PCMTD1: variants seen among roughly 807,000 people sequenced by gnomAD.
PCMTD1 encodes protein-L-isoaspartate O-methyltransferase domain-containing protein 1.
PCMTD1 carries 12 observed loss-of-function variants against 37.6 expected under a neutral mutation model. The ratio of observed to expected loss-of-function variants is 0.32; its 90% CI spans 0.20 to 0.52. The LOEUF (loss-of-function observed/expected upper bound fraction) is 0.52, where lower values mean the gene tolerates loss of function less well. Ranked by LOEUF, PCMTD1 falls within the 20% of genes least tolerant of loss-of-function variation. The pLI is 0.97. For synonymous variants in PCMTD1, 117 were observed against 135.8 expected (o/e 0.86, Z 0.96); for missense variants, 235 against 421.3 (o/e 0.56, Z 3.87).
chr8:51,868,397 C>T (rs757051579), intron 1 of PCMTD1, among the ~76,000 whole-genome samples: 6 of 152,014 alleles, frequency 3.9e-5, no homozygotes, highest in Non-Finnish European at 8.8e-5. Flanking sequence ...ACATTAAATA[C>T]CCTACAAAAT....
intron 3 of PCMTD1, among the ~76,000 whole-genome samples, chr8:51,840,002 T>C (rs1304621919): frequency 6.6e-6 from 1 of 152,226 alleles, no homozygotes; most frequent in Non-Finnish European, 1.5e-5. Flanking sequence ...ACTGATACCA[T>C]TCAAGGACTC....
chr8:51,860,657 T>C, intron 2 of PCMTD1, 188 bp downstream of exon 2: 1 of 536,486 alleles, frequency 1.9e-6, no homozygotes, highest in Non-Finnish European at 3.2e-6. Flanking sequence ...TACTGTAGGT[T>C]GAGGTAAGGA....
intron 3 of PCMTD1, among the ~76,000 whole-genome samples, chr8:51,837,302 A>G (rs1462651269): frequency 6.6e-6 from 1 of 152,198 alleles, no homozygotes; most frequent in African/African-American, 2.4e-5. Context: ...TAACATGTTT[A>G]AATTGATTTC....
intron 1 of PCMTD1, among the ~76,000 whole-genome samples, chr8:51,869,286 T>C (rs995460575): frequency 6.6e-6 from 1 of 152,168 alleles, no homozygotes; most frequent in South Asian, 2.1e-4. Flanking sequence ...CATTTGTTAC[T>C]TCTAAGATAA....
rs565366568 is a variant in PCMTD1, at chr8:51,819,955, G to C, written c.*396C>G. ...TTATTAGATAAATGAAGTTTTCATA[G>C]AGGAAATGCAAACAACTGCAATTCA... is the stretch of plus-strand genomic sequence containing the variant. On this transcript the variant is annotated 3_prime_UTR_variant, in exon 6 of 6. Transcript: ENST00000522514. The C allele has an allele frequency of 8.4e-4, 129 of 154,064 alleles. 3 individuals are homozygous for C. In the South Asian group the frequency reaches 0.026, roughly 31 times the overall value. The allele number at this position is 154,064 out of a possible 1,614,324, so 9.5% of individuals were successfully genotyped here.
intron 1 of PCMTD1, among the ~76,000 whole-genome samples, chr8:51,876,030 A>C (rs908388137): frequency 6.6e-6 from 1 of 152,158 alleles, no homozygotes; most frequent in African/African-American, 2.4e-5. Context: ...TTACTGATGT[A>C]ATATATATAA....
upstream of PCMTD1, chr8:51,899,088 C>G (rs540861204): frequency 6.1e-6 from 9 of 1,481,626 alleles, no homozygotes; most frequent in Non-Finnish European, 7.1e-6. Flanking sequence ...CTCCCGGACT[C>G]CGGAGCCGCC....
chr8:51,890,281 A>G (rs1417313359), intron 1 of PCMTD1, among the ~76,000 whole-genome samples: 1 of 152,224 alleles, frequency 6.6e-6, no homozygotes, highest in Admixed American at 6.5e-5. Context: ...TTCTTTCACA[A>G]TGGGATTTAC....
intron 2 of PCMTD1, among the ~76,000 whole-genome samples, chr8:51,852,467 TTTC>T (rs1397203305): frequency 2.6e-5 from 4 of 152,222 alleles, no homozygotes; most frequent in African/African-American, 4.8e-5. Context: ...TCAAAATTAA[TTTC>T]TTATTAATTT....
chr8:51,849,267 A>C (rs2038269519), intron 2 of PCMTD1: 1 of 152,170 alleles, frequency 6.6e-6, no homozygotes, highest in Non-Finnish European at 1.5e-5. Context: ...AAAAAACATA[A>C]ATGTTCAAAT....
chr8:51,830,857 C>T (rs1427294341), intron 5 of PCMTD1, among the ~76,000 whole-genome samples: 3 of 152,184 alleles, frequency 2.0e-5, no homozygotes, highest in African/African-American at 7.2e-5. Context: ...ACAGTAGATG[C>T]CCTTCCCACA....
At chr8:51,884,155 G>A (rs752153451) in intron 1 of PCMTD1, among the ~76,000 whole-genome samples, 1 of 152,112 alleles carries the variant, frequency 6.6e-6, no homozygotes, top group Non-Finnish European at 1.5e-5. Flanking sequence ...CCTATCAGTT[G>A]AGATTGAGAC....
At chr8:51,887,900 A>C (rs1200984328) in intron 1 of PCMTD1, among the ~76,000 whole-genome samples, 2 of 151,766 alleles carry the variant, frequency 1.3e-5, no homozygotes, top group African/African-American at 2.4e-5. Context: ...TGCCAACCAC[A>C]CTCAGCTAAT....
chr8:51,820,825 A>G, intron 5 of PCMTD1, 107 bp from the exon 6 acceptor site: 1 of 1,244,576 alleles, frequency 8.0e-7, no homozygotes, highest in Non-Finnish European at 1.1e-6. Flanking sequence ...ATTTTAGAAA[A>G]TACAGAAAAT....
chr8:51,838,468 C>A (rs377454847), intron 3 of PCMTD1, among the ~76,000 whole-genome samples: 1 of 151,778 alleles, frequency 6.6e-6, no homozygotes, highest in African/African-American at 2.4e-5. Flanking sequence ...CCAGCCTGTG[C>A]GACACAGCAA....
At chr8:51,876,125 CATAA>C (rs959571056) in intron 1 of PCMTD1, among the ~76,000 whole-genome samples, 1 of 66,520 alleles carries the variant, frequency 1.5e-5, no homozygotes, top group Non-Finnish European at 7.8e-5. Context: ...TTAATCCTTC[CATAA>C]ACAAACATAT....
At chr8:51,826,436 G>A (rs1386592514) in intron 5 of PCMTD1, among the ~76,000 whole-genome samples, 1 of 151,956 alleles carries the variant, frequency 6.6e-6, no homozygotes, top group East Asian at 1.9e-4. Flanking sequence ...TGGGTTGATG[G>A]GTGCAGCAAA....
At chr8:51,875,421 A>G (rs1488615983) in intron 1 of PCMTD1, among the ~76,000 whole-genome samples, 6 of 152,186 alleles carry the variant, frequency 3.9e-5, no homozygotes, top group Non-Finnish European at 8.8e-5. Flanking sequence ...ACACTCAACA[A>G]ATGTAAAATT....
At chr8:51,829,767 C>T (rs991438213) in intron 5 of PCMTD1, among the ~76,000 whole-genome samples, 7 of 151,922 alleles carry the variant, frequency 4.6e-5, no homozygotes, top group Admixed American at 6.6e-5. Context: ...GAGACTCCAT[C>T]GTAAAAACAA....
Sources: gnomAD v4.1 joint callset for allele counts (sites outside exome capture counted in the v4.1 genomes callset) on GRCh38, gnomAD v4.1.1 for gene constraint, MANE v1.5 for transcripts, NCBI Gene and HGNC (gene_info 2026-07-23, HGNC 2026-07-21) for gene names.